CBX2: variants seen among roughly 807,000 people sequenced by gnomAD.
The protein encoded by CBX2 is chromobox 2.
In CBX2, 11 loss-of-function variants were observed where a neutral mutation model predicts 21.0. That is an observed-to-expected ratio of 0.52 (90% CI 0.33 to 0.87). The LOEUF (loss-of-function observed/expected upper bound fraction) is 0.87. Among genes scored for constraint, CBX2 ranks in the 40% least tolerant of loss-of-function variants. The pLI is 0.02. For synonymous variants in CBX2, 364 were observed against 304.6 expected, an observed-to-expected ratio of 1.19 and a Z score of -2.03; for missense variants, 746 against 724.3, an observed-to-expected ratio of 1.03 and a Z score of -0.34.
Position 79,778,377 on chromosome 17 carries a change from C to T in CBX2, c.73-7C>T. 2.5e-6 allele frequency: 4 copies of T among 1,584,504 alleles called. No homozygotes were observed. The highest frequency in any genetic ancestry group is 2.6e-6 in the Non-Finnish European group (3 of 1,170,288). Reference sequence around the variant, plus strand: ...TCTGGCTCACGGCCCCTCTTCTCTCCCCGCAGGGCAAGCTGGAGTACCTGG... The same window carrying T: ...TCTGGCTCACGGCCCCTCTTCTCTCTCCGCAGGGCAAGCTGGAGTACCTGG... On this transcript the variant is annotated splice_polypyrimidine_tract_variant and splice_region_variant and intron_variant, in intron 1 of 4. Coordinates refer to ENST00000310942, the MANE Select transcript of CBX2 (RefSeq NM_005189.3). This position sits in a 1 kb window ranked among gnomAD's most constrained non-coding sequence, Gnocchi z 4.8.
rs559189581 is a variant in CBX2, at chr17:79,778,542, A to G, written c.116+115A>G. On this transcript the variant is annotated intron_variant, in intron 2 of 4. Transcript: ENST00000310942. The surrounding 1 kb of genome is among the most constrained non-coding windows in gnomAD (Gnocchi z 4.8). ...GGGGGCGCCCGCGGGCAGAGCGGGA[A>G]GTTCGCGGGGTCCCCGCGGGCTCCT... 78 of 572,082 alleles carry G rather than the reference A, an allele frequency of 1.4e-4. 1 individual carries two copies. In the African/African-American group the frequency reaches 1.4e-3, roughly 10 times the overall value. The allele number at this position is 572,082 out of a possible 1,614,324, so 35.4% of individuals were successfully genotyped here.
At chr17:79,780,385 G>A (rs576964970) in intron 3 of CBX2, among the ~76,000 whole-genome samples, 189 of 152,332 alleles carry the variant, frequency 1.2e-3, no homozygotes, top group Middle Eastern at 3.4e-3. Flanking sequence ...TTCTGGTGGG[G>A]CGAGCAAAAA....
chr17:79,782,564 C>A, intron 4 of CBX2: 2 of 989,704 alleles, frequency 2.0e-6, no homozygotes, highest in Non-Finnish European at 2.5e-6. Context: ...CGAGCTCAGT[C>A]ACTAACTGAA....
chr17:79,779,181 C>T (rs1197452854), intron 2 of CBX2, among the ~76,000 whole-genome samples, 181 bp from the exon 3 acceptor site: 1 of 152,154 alleles, frequency 6.6e-6, no homozygotes, highest in Non-Finnish European at 1.5e-5. Flanking sequence ...AGAGTGCTGG[C>T]TTGGTGGGGG....
rs782697255 is a variant in CBX2 at position 79,784,325 on chromosome 17, G to A, written c.882G>A (p.Thr294=). 7.4e-6 allele frequency: 12 copies of A among 1,613,142 alleles called. No individual in the cohort carries two copies. The highest frequency in any genetic ancestry group is 2.7e-5 in the African/African-American group (2 of 74,946). ...TCGGGCTGGACCTGAAGGTGAGGAC[G>A]CAGAAAGGGGAGCTGGGAATGAGCC... ...CGLGLDLKVR[T]QKGELGMSPP... is the part of the protein sequence containing the mutation. The change falls in exon 5 of 5, where the codon ACG becomes ACA. Residue 294 remains threonine, a synonymous_variant. Coordinates refer to ENST00000310942, the MANE Select transcript of CBX2 (RefSeq NM_005189.3). This position sits in a 1 kb window ranked among gnomAD's most constrained non-coding sequence, Gnocchi z 5.9.
chr17:79,780,835 C>T (rs1598221615), intron 3 of CBX2, among the ~76,000 whole-genome samples: 1 of 152,278 alleles, frequency 6.6e-6, no homozygotes, highest in Non-Finnish European at 1.5e-5. Flanking sequence ...TGCAACACTT[C>T]ATTGTCCTTT....
At chr17:79,778,090 G>GGCGCGGGCGCGGAGCGGCGGT, upstream of CBX2, 1 of 177,888 alleles carries the variant, frequency 5.6e-6, no homozygotes, top group Non-Finnish European at 1.1e-5. This position sits in a 1 kb window ranked among gnomAD's most constrained non-coding sequence, Gnocchi z 4.8. Context: ...GGCGGGCCGG[G>GGCGCGGGCGCGGAGCGGCGGT]GCGCGGGCGC....
At chr17:79,779,291 C>A in intron 2 of CBX2, 71 bp from the exon 3 acceptor site, 2 of 1,469,192 alleles carry the variant, frequency 1.4e-6, no homozygotes, top group Non-Finnish European at 1.9e-6. Flanking sequence ...AGGGCGAGCC[C>A]CCTCGGGCTG....
chr17:79,778,515 C>G lies in CBX2; in HGVS notation c.116+88C>G. On this transcript the variant is annotated intron_variant, in intron 2 of 4. Transcript: ENST00000310942. The surrounding 1 kb of genome is among the most constrained non-coding windows in gnomAD (Gnocchi z 4.8). Reference sequence around the variant, plus strand: ...CCCCTCGGCCGCGCCGTCCGGTGGCCTGGGGGCGCCCGCGGGCAGAGCGGG... The same window carrying G: ...CCCCTCGGCCGCGCCGTCCGGTGGCGTGGGGGCGCCCGCGGGCAGAGCGGG... The G allele has an allele frequency of 2.5e-6, 2 of 794,458 alleles. No individual in the cohort carries two copies. Among genetic ancestry groups the G allele is most frequent in the Non-Finnish European group, 3.6e-6 (2 of 555,710 alleles). 49.2% of individuals were successfully genotyped at this position (794,458 alleles called of 1,614,324 possible).
rs782379862 is a variant in CBX2, at chr17:79,784,232, G to A, written c.789G>A (p.Met263Ile). 5 of 1,612,958 alleles carry A rather than the reference G, an allele frequency of 3.1e-6. No homozygotes were observed. Among genetic ancestry groups the A allele is most frequent in the Non-Finnish European group, 4.2e-6 (5 of 1,179,952 alleles). ...QSSIVHYMNR[M>I]TQSQAQAASR... ...CCATCGTGCACTACATGAACCGGAT[G>A]ACCCAGAGCCAGGCCCAGGCTGCCA... The change falls in exon 5 of 5, where the codon ATG (methionine) becomes ATA (isoleucine). Residue 263 changes from methionine to isoleucine, a missense_variant. This residue lies in a region of CBX2 where 701 missense variants were observed against 650.7 expected (regional missense o/e 1.08). Coordinates refer to ENST00000310942, the MANE Select transcript of CBX2 (RefSeq NM_005189.3). This position sits in a 1 kb window ranked among gnomAD's most constrained non-coding sequence, Gnocchi z 5.9.
chr17:79,781,456 C>T (rs1339438998), intron 3 of CBX2, among the ~76,000 whole-genome samples: 1 of 152,168 alleles, frequency 6.6e-6, no homozygotes, highest in Non-Finnish European at 1.5e-5. Flanking sequence ...ATTGTTTTCC[C>T]AGCGTTGCTT....
chr17:79,781,112 C>T (rs1345339018), intron 3 of CBX2, among the ~76,000 whole-genome samples: 1 of 152,112 alleles, frequency 6.6e-6, no homozygotes, highest in Non-Finnish European at 1.5e-5. Context: ...TGCCTCAGAC[C>T]TCGGCACCTC....
At chr17:79,782,306 G>C in intron 4 of CBX2, 1 of 1,513,958 alleles carries the variant, frequency 6.6e-7, no homozygotes, top group Non-Finnish European at 8.8e-7. Context: ...GAGGAGGGCA[G>C]AGGCAGTGTG....
At chr17:79,781,400 G>T (rs1180791266) in intron 3 of CBX2, among the ~76,000 whole-genome samples, 4 of 152,170 alleles carry the variant, frequency 2.6e-5, no homozygotes, top group Non-Finnish European at 1.5e-5. Flanking sequence ...CCATGCAGCA[G>T]TGCACCTGCA....
At chr17:79,780,493 G>C (rs570982612) in intron 3 of CBX2, among the ~76,000 whole-genome samples, 1 of 152,210 alleles carries the variant, frequency 6.6e-6, no homozygotes, top group Admixed American at 6.5e-5. Flanking sequence ...CTTGGGGTGG[G>C]GGAATGGCTT....
In CBX2 at chr17:79,784,401, A is replaced by G. The variant is rs1458981854; in HGVS notation, c.958A>G (p.Lys320Glu). 3 of 1,612,256 alleles carry G rather than the reference A, an allele frequency of 1.9e-6. No individual in the cohort carries two copies. Among genetic ancestry groups the G allele is most frequent in the Non-Finnish European group, 2.5e-6 (3 of 1,179,670 alleles). The part of the protein sequence containing the change: ...KAPSGGAVEQ[K>E]VGNTGGPPHT... ...CCCCAGCGGTGGGGCTGTGGAGCAG[A>G]AAGTGGGGAACACAGGGGGCCCCCC... The change falls in exon 5 of 5, where the codon AAA (lysine) becomes GAA (glutamate). Residue 320 changes from lysine to glutamate, a missense_variant. By Grantham distance (56) the Lys-to-Glu change is moderately conservative. Coordinates refer to ENST00000310942, the MANE Select transcript of CBX2 (RefSeq NM_005189.3). The surrounding 1 kb of genome is among the most constrained non-coding windows in gnomAD (Gnocchi z 5.9).
Position 79,779,732 on chromosome 17 carries a change from A to G in CBX2, c.182+305A>G, listed in dbSNP as rs559224039. On this transcript the variant is annotated intron_variant, in intron 3 of 4. Coordinates refer to ENST00000310942, the MANE Select transcript of CBX2 (RefSeq NM_005189.3). ...TTCAGTTGCTTCAGATAAAGATGTT[A>G]TAGCTTCTCTTGGCCTTTTCTGCTG... 53 of 432,750 alleles carry G rather than the reference A, an allele frequency of 1.2e-4. 1 individual carries two copies. The Middle Eastern group carries it at 2.1e-3, about 17-fold the overall frequency. The allele number at this position is 432,750 out of a possible 1,614,324, so 26.8% of individuals were successfully genotyped here.
chr17:79,781,959 C>A, intron 4 of CBX2, 158 bp downstream of exon 4: 1 of 1,614,186 alleles, frequency 6.2e-7, no homozygotes. Flanking sequence ...TTCTTCCTGT[C>A]TCTCAGCTTC....
chr17:79,778,323 CG>C lies in CBX2; in HGVS notation c.72+19del. The C allele has an allele frequency of 6.4e-7, 1 of 1,563,864 alleles. No homozygotes were observed. On this transcript the variant is annotated intron_variant, in intron 1 of 4. Coordinates refer to ENST00000310942, the MANE Select transcript of CBX2 (RefSeq NM_005189.3). This position sits in a 1 kb window ranked among gnomAD's most constrained non-coding sequence, Gnocchi z 4.8. The stretch of plus-strand genomic sequence containing the variant: ...GCTCCGCAAGGTGCGTGCGGCCCGC[CG>C]GGCCCCCCGCCCGCCGCCCGCTGTC...
Sources: allele counts gnomAD v4.1 joint callset (sites outside exome capture counted in the v4.1 genomes callset), GRCh38; gene constraint gnomAD v4.1.1; regional missense constraint gnomAD v4.1.1; non-coding constraint Gnocchi (gnomAD v3.1); transcripts MANE v1.5; gene names NCBI Gene and HGNC (gene_info 2026-07-23, HGNC 2026-07-21).